LRMDA: variants seen among roughly 807,000 people sequenced by gnomAD.
The protein encoded by LRMDA is leucine rich melanocyte differentiation associated, also known as leucine-rich melanocyte differentiation-associated protein.
A neutral mutation model predicts 29.8 loss-of-function variants in LRMDA; 18 were observed. The observed-to-expected ratio is 0.60, with a 90% CI of 0.42 to 0.90. LRMDA has a LOEUF of 0.90. Ranked by LOEUF, LRMDA falls within the 40% of genes least tolerant of loss-of-function variation. The pLI, the probability that LRMDA is intolerant of heterozygous loss-of-function variation, is 0.00. For synonymous variants in LRMDA, 125 were observed against 109.4 expected (o/e 1.14, Z -0.89); for missense variants, 273 against 273.9 (o/e 1.00, Z 0.02).
chr10:75,908,105 T>C (rs1845785877), intron 2 of LRMDA, among the ~76,000 whole-genome samples: 1 of 152,244 alleles, frequency 6.6e-6, no homozygotes, highest in Non-Finnish European at 1.5e-5. Flanking sequence ...AGATTTTCCA[T>C]AGCCTTTATT....
intron 6 of LRMDA, among the ~76,000 whole-genome samples, chr10:76,450,256 A>G (rs1842393054): frequency 6.6e-6 from 1 of 152,092 alleles, no homozygotes; most frequent in Non-Finnish European, 1.5e-5. Context: ...CTCTGGACAA[A>G]TCGTTTCATT....
In LRMDA at chr10:75,702,703, A is replaced by G. The variant is rs150352722; in HGVS notation, c.131+264209A>G. ...TTTTATTGCCATATTTTTGAAATGT[A>G]AAAACAAATAAAAGATGTAAGAGTT... On this transcript the variant is annotated intron_variant, in intron 2 of 6. Coordinates refer to ENST00000611255, the MANE Select transcript of LRMDA (RefSeq NM_001305581.2). Among the ~76,000 whole-genome samples the G allele has an allele frequency of 3.2e-4, 48 of 152,364 alleles. No homozygotes were observed. In the East Asian group the frequency reaches 8.7e-3, roughly 28 times the overall value.
intron 5 of LRMDA, among the ~76,000 whole-genome samples, chr10:76,144,898 A>C (rs920792989): frequency 6.6e-6 from 1 of 152,190 alleles, no homozygotes; most frequent in African/African-American, 2.4e-5. Context: ...AGTTTTTAGC[A>C]TGAAGTGTTG....
chr10:75,594,362 T>A (rs1840760319), intron 2 of LRMDA, among the ~76,000 whole-genome samples: 1 of 152,186 alleles, frequency 6.6e-6, no homozygotes. Flanking sequence ...GGCCAACAGG[T>A]GGACAACATT....
At chr10:75,498,636 G>A (rs1845076549) in intron 2 of LRMDA, among the ~76,000 whole-genome samples, 1 of 152,172 alleles carries the variant, frequency 6.6e-6, no homozygotes, top group African/African-American at 2.4e-5. Flanking sequence ...AAAGGGCTTG[G>A]AAGGATTAAG....
chr10:75,752,616 G>C (rs182718678), intron 2 of LRMDA, among the ~76,000 whole-genome samples: 29 of 152,290 alleles, frequency 1.9e-4, no homozygotes, highest in African/African-American at 6.5e-4. Context: ...TAATGACACA[G>C]TTTTGGGTCA....
intron 6 of LRMDA, among the ~76,000 whole-genome samples, chr10:76,503,423 T>C (rs1842930801): frequency 6.6e-6 from 1 of 151,718 alleles, no homozygotes; most frequent in African/African-American, 2.4e-5. Context: ...GCATGTCTGG[T>C]AAAATTTGGC....
At chr10:76,084,317 C>A (rs1849098138) in intron 5 of LRMDA, among the ~76,000 whole-genome samples, 1 of 151,524 alleles carries the variant, frequency 6.6e-6, no homozygotes, top group Non-Finnish European at 1.5e-5. Context: ...CCTGCCTCAG[C>A]CTCCCAGGTA....
At chr10:75,488,778 G>A (rs1844947185) in intron 2 of LRMDA, among the ~76,000 whole-genome samples, 1 of 152,150 alleles carries the variant, frequency 6.6e-6, no homozygotes, top group African/African-American at 2.4e-5. Context: ...GAGTGGCAGC[G>A]CTGTGGCTGA....
intron 2 of LRMDA, among the ~76,000 whole-genome samples, chr10:75,609,880 T>G (rs1589134413): frequency 6.6e-6 from 1 of 152,156 alleles, no homozygotes; most frequent in South Asian, 2.1e-4. Flanking sequence ...GCTGTTAGAC[T>G]TTATTGGCCC....
At position 76,197,455 on chromosome 10, in the gene LRMDA, G is replaced by T. The variant is rs533630513; in HGVS notation, c.517-126946G>T. Among the ~76,000 whole-genome samples the T allele has an allele frequency of 9.2e-5, 14 of 152,264 alleles. No individual in the cohort carries two copies. The East Asian group carries it at 2.7e-3, about 29-fold the overall frequency. On this transcript the variant is annotated intron_variant, in intron 5 of 6. Transcript: ENST00000611255. Reference sequence around the variant, plus strand: ...TCTAAACCAGTGGTTCTCAAGTGGGGGTGATTTTTATCTCCCTGGAGACAG... The same window carrying T: ...TCTAAACCAGTGGTTCTCAAGTGGGTGTGATTTTTATCTCCCTGGAGACAG...
chr10:76,451,532 T>C (rs1033412673), intron 6 of LRMDA, among the ~76,000 whole-genome samples: 1 of 151,936 alleles, frequency 6.6e-6, no homozygotes, highest in African/African-American at 2.4e-5. Flanking sequence ...TAGACTTTTA[T>C]TGACAGCTGG....
intron 2 of LRMDA, among the ~76,000 whole-genome samples, chr10:75,692,491 A>ATG (rs1842180438): frequency 1.3e-5 from 2 of 151,058 alleles, no homozygotes; most frequent in Non-Finnish European, 2.9e-5. Flanking sequence ...ACGTATACAT[A>ATG]TATGTATATA....
intron 6 of LRMDA, among the ~76,000 whole-genome samples, chr10:76,525,580 G>A (rs1195305595): frequency 6.6e-6 from 1 of 150,876 alleles, no homozygotes; most frequent in Non-Finnish European, 1.5e-5. Context: ...CCTATAATAG[G>A]TTCTTGTAAA....
intron 2 of LRMDA, among the ~76,000 whole-genome samples, chr10:75,663,090 C>T (rs1347237573): frequency 1.3e-5 from 2 of 152,198 alleles, no homozygotes; most frequent in East Asian, 1.9e-4. Context: ...TGGATCTGAC[C>T]CCTCCAAGGA....
intron 2 of LRMDA, among the ~76,000 whole-genome samples, chr10:75,927,853 C>T (rs1315051271): frequency 6.6e-6 from 1 of 152,174 alleles, no homozygotes; most frequent in Non-Finnish European, 1.5e-5. Flanking sequence ...GGGTTCAAGT[C>T]TCCATATACT....
chr10:76,354,956 T>C (rs1564518257), intron 6 of LRMDA, among the ~76,000 whole-genome samples: 1 of 152,198 alleles, frequency 6.6e-6, no homozygotes, highest in Non-Finnish European at 1.5e-5. Context: ...TTCATCCCCC[T>C]GCACTGCACC....
In LRMDA at chr10:75,542,836, C is replaced by T. The variant is rs1233140291; in HGVS notation, c.131+104342C>T. Among the ~76,000 whole-genome samples the T allele has an allele frequency of 2.6e-5, 4 of 152,176 alleles. 1 individual carries two copies. In the South Asian group the frequency reaches 6.2e-4, roughly 24 times the overall value. On this transcript the variant is annotated intron_variant, in intron 2 of 6. Coordinates refer to ENST00000611255, the MANE Select transcript of LRMDA (RefSeq NM_001305581.2). ...TCAAGATTGGTTTCGCTTGATCCAACGTGGCCCCATTGCAGGCCCTTCGGA... is the reference window on the plus strand; with the variant it reads ...TCAAGATTGGTTTCGCTTGATCCAATGTGGCCCCATTGCAGGCCCTTCGGA...
chr10:75,509,899 C>G (rs767019396), intron 2 of LRMDA, among the ~76,000 whole-genome samples: 1 of 152,156 alleles, frequency 6.6e-6, no homozygotes, highest in Non-Finnish European at 1.5e-5. Context: ...GAGGGCAGAC[C>G]GCATGTGGGG....
Sources: allele counts gnomAD v4.1 joint callset (sites outside exome capture counted in the v4.1 genomes callset), GRCh38; gene constraint gnomAD v4.1.1; transcripts MANE v1.5; gene names NCBI Gene and HGNC (gene_info 2026-07-23, HGNC 2026-07-21).